The following TBC1D32 variants were observed in gnomAD, a reference collection of about 807,000 sequenced individuals.
TBC1D32 encodes the protein TBC1 domain family member 32, also known as protein broad-minded.
TBC1D32 carries 151 observed loss-of-function variants against 170.3 expected under a neutral mutation model. The ratio of observed to expected loss-of-function variants is 0.89; its 90% CI spans 0.78 to 1.01. The LOEUF (loss-of-function observed/expected upper bound fraction) is 1.01. TBC1D32 is among the 50% of genes least tolerant of loss of function. The probability of loss-of-function intolerance (pLI) is 0.00; values close to 1 mark genes in which losing one functional copy is unlikely to be tolerated. For synonymous variants in TBC1D32, 498 were observed against 488.0 expected (o/e 1.02, Z -0.27); for missense variants, 1,464 against 1,457.1 (o/e 1.00, Z -0.08).
intron 12 of TBC1D32, among the ~76,000 whole-genome samples, chr6:121,287,329 C>T (rs1804029417): frequency 6.6e-6 from 1 of 151,282 alleles, no homozygotes; most frequent in South Asian, 2.1e-4. Flanking sequence ...AAATGGAAAA[C>T]AAAAAAAGGC....
chr6:121,082,831 C>T (rs1775778512), intron 31 of TBC1D32, among the ~76,000 whole-genome samples: 4 of 151,656 alleles, frequency 2.6e-5, no homozygotes, highest in Admixed American at 2.6e-4. Context: ...ATAACTACAC[C>T]AAAGAGATAC....
chr6:121,170,313 A>G, intron 22 of TBC1D32: 9 of 1,256,296 alleles, frequency 7.2e-6, no homozygotes, highest in Non-Finnish European at 8.5e-6. Context: ...GAAAGCAGAA[A>G]AACATTAAAC....
intron 26 of TBC1D32, among the ~76,000 whole-genome samples, chr6:121,116,052 T>C (rs756549793): frequency 1.1e-4 from 16 of 152,096 alleles, no homozygotes; most frequent in Non-Finnish European, 2.1e-4. Flanking sequence ...AACTGTAGCA[T>C]GCATACATAC....
intron 9 of TBC1D32, among the ~76,000 whole-genome samples, chr6:121,302,462 T>C (rs1432897851): frequency 6.6e-6 from 1 of 152,080 alleles, no homozygotes. Flanking sequence ...CCCGTTATCT[T>C]AAGAATCAAC....
At chr6:121,084,020 T>C (rs1238999384) in intron 31 of TBC1D32, among the ~76,000 whole-genome samples, 2 of 152,098 alleles carry the variant, frequency 1.3e-5, no homozygotes, top group African/African-American at 4.8e-5. Context: ...GCACTTGCCT[T>C]CATTCCTATT....
At chr6:121,311,464 T>TCACA (rs1808191321) in intron 3 of TBC1D32, among the ~76,000 whole-genome samples, 1 of 152,196 alleles carries the variant, frequency 6.6e-6, no homozygotes, top group South Asian at 2.1e-4. Context: ...GCGCAGTGGC[T>TCACA]CACACCCATA....
chr6:121,267,962 T>G (rs1237596859), intron 15 of TBC1D32, among the ~76,000 whole-genome samples: 1 of 152,180 alleles, frequency 6.6e-6, no homozygotes, highest in Non-Finnish European at 1.5e-5. Context: ...TTTGCTGTTC[T>G]GCAGCCTCCA....
At chr6:121,214,382 C>A (rs920003931) in intron 21 of TBC1D32, among the ~76,000 whole-genome samples, 1 of 152,172 alleles carries the variant, frequency 6.6e-6, no homozygotes, top group Non-Finnish European at 1.5e-5. Flanking sequence ...CAACCCAGAT[C>A]CCATGCCTGC....
intron 15 of TBC1D32, among the ~76,000 whole-genome samples, chr6:121,267,580 C>T (rs1168293343): frequency 1.3e-5 from 2 of 152,192 alleles, no homozygotes; most frequent in Admixed American, 6.5e-5. Flanking sequence ...GGGGCATCTG[C>T]CATTGCTGAG....
rs1299633402 is a variant in TBC1D32, at chr6:121,317,642, G to A, written c.348C>T (p.Asn116=). ...TAGACTCGACCACAGCTATCATAAT[G>A]TTCTTCAGGTAATGCATCATTTCTT... The part of the protein sequence containing the change: ...EYKEMMHYLK[N]IMIAVVESMI... The change falls in exon 3 of 32, where the codon AAC becomes AAT. Residue 116 remains asparagine (N), a synonymous_variant. Coordinates refer to ENST00000398212, the MANE Select transcript of TBC1D32 (RefSeq NM_152730.6). 2 of 1,608,082 alleles carry A rather than the reference G, an allele frequency of 1.2e-6. No individual in the cohort carries two copies. Among genetic ancestry groups the A allele is most frequent in the Admixed American group, 1.7e-5 (1 of 59,082 alleles).
At chr6:121,158,131 A>T (rs1198159431) in intron 24 of TBC1D32, among the ~76,000 whole-genome samples, 1 of 152,034 alleles carries the variant, frequency 6.6e-6, no homozygotes, top group East Asian at 1.9e-4. Context: ...CAAGAATGCA[A>T]ATGAGTCATA....
At position 121,144,724 on chromosome 6, in the gene TBC1D32, T is replaced by C. The variant is rs560962962; in HGVS notation, c.2774-12972A>G. On this transcript the variant is annotated intron_variant, in intron 24 of 31. Transcript: ENST00000398212. Reference sequence around the variant, plus strand: ...AAGATAAGTATTAGAGATATAAATCTGAGAGCCATCAGCATATTGGATAGT... The same window carrying C: ...AAGATAAGTATTAGAGATATAAATCCGAGAGCCATCAGCATATTGGATAGT... Among the ~76,000 whole-genome samples, 24 of 152,230 alleles carry C rather than the reference T, an allele frequency of 1.6e-4. No homozygotes were observed. The South Asian group carries it at 3.9e-3, about 25-fold the overall frequency.
chr6:121,295,150 C>T (rs965640852), intron 10 of TBC1D32, among the ~76,000 whole-genome samples: 1 of 151,876 alleles, frequency 6.6e-6, no homozygotes, highest in African/African-American at 2.4e-5. Context: ...AAAATGATCT[C>T]CAACCCCTAC....
At position 121,265,726 on chromosome 6, in the gene TBC1D32, A is replaced by T. The variant is rs558559845; in HGVS notation, c.1734-9441T>A. Among the ~76,000 whole-genome samples the T allele has an allele frequency of 1.9e-4, 29 of 152,284 alleles. 2 individuals carry two copies. The South Asian group carries it at 6.0e-3, about 32-fold the overall frequency. On this transcript the variant is annotated intron_variant, in intron 15 of 31. Coordinates refer to ENST00000398212, the MANE Select transcript of TBC1D32 (RefSeq NM_152730.6). ...CTGCATAGTACTGGTACAAAAACAG[A>T]CATATAGACCAATGGAAAAGAATAG...
At position 121,242,242 on chromosome 6, in the gene TBC1D32, A is replaced by T; in HGVS notation, c.2116T>A (p.Cys706Ser). The T allele has an allele frequency of 6.2e-7, 1 of 1,612,556 alleles. No homozygotes were observed. Among genetic ancestry groups the T allele is most frequent in the South Asian group, 1.1e-5 (1 of 90,944 alleles). Residue 706 changes from cysteine (C) to serine (S), a missense_variant, in exon 18 of 32, where the codon TGT (cysteine) becomes AGT (serine). Cys to Ser is a moderately radical substitution (Grantham distance 112). Coordinates refer to ENST00000398212, the MANE Select transcript of TBC1D32 (RefSeq NM_152730.6). ...LLQRTGAINECVTFIFNRYAK... is the reference protein window; with the variant it reads ...LLQRTGAINESVTFIFNRYAK... ...TATCGATTGAATATAAATGTCACAC[A>T]TTCATTGATAGCACCTGTTCTTTGA... is the stretch of plus-strand genomic sequence containing the variant.
chr6:121,155,712 T>A (rs534740855), intron 24 of TBC1D32, among the ~76,000 whole-genome samples: 7 of 152,268 alleles, frequency 4.6e-5, no homozygotes, highest in African/African-American at 1.7e-4. Flanking sequence ...GTTTTTATCA[T>A]GAAGAGATGT....
chr6:121,081,957 AT>A (rs1775686299), intron 31 of TBC1D32, among the ~76,000 whole-genome samples: 1 of 152,110 alleles, frequency 6.6e-6, no homozygotes, highest in African/African-American at 2.4e-5. Context: ...TACAAGGCTG[AT>A]ATTACAGCTG....
intron 24 of TBC1D32, among the ~76,000 whole-genome samples, chr6:121,138,308 G>C (rs1182220248): frequency 6.6e-6 from 1 of 151,994 alleles, no homozygotes; most frequent in Non-Finnish European, 1.5e-5. Context: ...ATTAATATTT[G>C]ATAACTAAGC....
chr6:121,084,908 G>A (rs544895335), intron 31 of TBC1D32, among the ~76,000 whole-genome samples: 88 of 152,032 alleles, frequency 5.8e-4, no homozygotes, highest in Middle Eastern at 3.4e-3. Context: ...GCAAAATGAT[G>A]ATTTTTAAAA....
Sources: gnomAD v4.1 joint callset for allele counts (sites outside exome capture counted in the v4.1 genomes callset) on GRCh38, gnomAD v4.1.1 for gene constraint, MANE v1.5 for transcripts, NCBI Gene and HGNC (gene_info 2026-07-23, HGNC 2026-07-21) for gene names.